The following PSD3 variants were observed in gnomAD, a reference collection of about 807,000 sequenced individuals.
PSD3 encodes pleckstrin and Sec7 domain containing 3.
Under a neutral mutation model 105.5 loss-of-function variants are expected in PSD3, and 49 were observed. The ratio of observed to expected loss-of-function variants is 0.46; its 90% confidence interval spans 0.37 to 0.59. The LOEUF (loss-of-function observed/expected upper bound fraction) is 0.59. PSD3 is among the 20% of genes least tolerant of loss of function. The pLI, the probability that PSD3 is intolerant of heterozygous loss-of-function variation, is 0.00. For synonymous variants in PSD3, 557 were observed against 457.8 expected (o/e 1.22, Z -2.77); for missense variants, 1,561 against 1,263.8 (o/e 1.24, Z -3.57).
chr8:18,649,185 C>A (rs907446921), intron 10 of PSD3, among the ~76,000 whole-genome samples: 1 of 152,200 alleles, frequency 6.6e-6, no homozygotes, highest in Non-Finnish European at 1.5e-5. Context: ...TTGCACCCTG[C>A]ACCTGGAAAA....
intron 2 of PSD3, among the ~76,000 whole-genome samples, chr8:18,911,632 C>T (rs115107949): frequency 7.9e-5 from 12 of 152,004 alleles, no homozygotes; most frequent in African/African-American, 2.9e-4. Context: ...GATGTAAGAG[C>T]GTTCACTTCT....
chr8:18,648,678 T>A (rs937908514), intron 10 of PSD3, among the ~76,000 whole-genome samples: 1 of 152,286 alleles, frequency 6.6e-6, no homozygotes, highest in East Asian at 1.9e-4. Context: ...ATGGGGAAAA[T>A]GCCTCAAAGG....
chr8:18,702,319 C>T (rs752759703), intron 9 of PSD3, among the ~76,000 whole-genome samples: 11 of 152,184 alleles, frequency 7.2e-5, no homozygotes, highest in Non-Finnish European at 1.6e-4. Flanking sequence ...TGTTTATGTA[C>T]ATAGGTAACC....
intron 2 of PSD3, among the ~76,000 whole-genome samples, chr8:18,916,553 G>C (rs1820621489): frequency 6.6e-6 from 1 of 151,858 alleles, no homozygotes. Context: ...GTAGCAAAGA[G>C]TACGATGGTG....
chr8:18,824,418 C>G (rs373789464), intron 4 of PSD3, among the ~76,000 whole-genome samples: 11 of 152,248 alleles, frequency 7.2e-5, no homozygotes, highest in African/African-American at 2.6e-4. Context: ...TAAATTATGT[C>G]ACCTTTCTCA....
chr8:18,834,059 C>G (rs917906906), intron 4 of PSD3, among the ~76,000 whole-genome samples: 3 of 150,656 alleles, frequency 2.0e-5, no homozygotes, highest in African/African-American at 7.3e-5. Flanking sequence ...AAGTGAATTA[C>G]AGTTAAATAA....
chr8:18,622,542 G>C (rs1806190423), intron 11 of PSD3, among the ~76,000 whole-genome samples: 1 of 151,992 alleles, frequency 6.6e-6, no homozygotes, highest in Non-Finnish European at 1.5e-5. Flanking sequence ...TAGTTTTATG[G>C]AGCATAACAT....
intron 8 of PSD3, among the ~76,000 whole-genome samples, chr8:18,783,610 T>A (rs1262364411): frequency 6.6e-6 from 1 of 152,104 alleles, no homozygotes. Flanking sequence ...ATACCATAAG[T>A]TTTTTATGTT....
chr8:18,949,548 A>G (rs1338794522), intron 1 of PSD3, among the ~76,000 whole-genome samples: 2 of 152,050 alleles, frequency 1.3e-5, no homozygotes, highest in African/African-American at 2.4e-5. Flanking sequence ...TTAAAGGTAA[A>G]TATCTCCAAG....
intron 2 of PSD3, among the ~76,000 whole-genome samples, chr8:18,909,801 T>C (rs375549648): frequency 6.6e-6 from 1 of 152,242 alleles, no homozygotes; most frequent in African/African-American, 2.4e-5. Flanking sequence ...GTTTTTAAAC[T>C]TCTTTAATTC....
chr8:18,967,354 C>T (rs1262286695), intron 1 of PSD3, among the ~76,000 whole-genome samples: 3 of 152,040 alleles, frequency 2.0e-5, no homozygotes, highest in African/African-American at 7.2e-5. Context: ...GGGGCTTCTC[C>T]ATGCTGGTCA....
intron 14 of PSD3, among the ~76,000 whole-genome samples, chr8:18,557,915 C>T (rs891527654): frequency 3.3e-5 from 5 of 152,068 alleles, no homozygotes; most frequent in African/African-American, 9.7e-5. Flanking sequence ...TAGCTATACT[C>T]GAAAATGGGG....
intron 2 of PSD3, among the ~76,000 whole-genome samples, chr8:18,906,230 G>A (rs1309591992): frequency 2.0e-5 from 3 of 152,102 alleles, no homozygotes; most frequent in Non-Finnish European, 4.4e-5. Context: ...AAATATCTGG[G>A]TGCTCCAGAT....
chr8:18,658,267 T>C (rs112165208), intron 9 of PSD3, among the ~76,000 whole-genome samples: 1,662 of 152,322 alleles, frequency 0.011, 32 homozygotes, highest in African/African-American at 0.037. Flanking sequence ...ATTATTTTTC[T>C]TAATAAAAGG....
chr8:18,931,483 C>A (rs1054912428), intron 2 of PSD3, among the ~76,000 whole-genome samples: 1 of 152,142 alleles, frequency 6.6e-6, no homozygotes, highest in Non-Finnish European at 1.5e-5. Flanking sequence ...TTAGACAATA[C>A]AAGTTAGAAT....
At chr8:18,552,689 T>C (rs1269933013) in intron 15 of PSD3, among the ~76,000 whole-genome samples, 1 of 152,216 alleles carries the variant, frequency 6.6e-6, no homozygotes, top group Non-Finnish European at 1.5e-5. Context: ...TATAAGGAAA[T>C]GTGGCTATTT....
chr8:18,950,474 G>T (rs1418555333), intron 1 of PSD3, among the ~76,000 whole-genome samples: 3 of 152,106 alleles, frequency 2.0e-5, no homozygotes, highest in East Asian at 3.9e-4. Context: ...CAAGCAAAAA[G>T]AAACAACGTA....
At chr8:18,861,547 A>G (rs1026707731) in intron 4 of PSD3, among the ~76,000 whole-genome samples, 11 of 152,016 alleles carry the variant, frequency 7.2e-5, no homozygotes, top group African/African-American at 2.4e-4. Context: ...GTGTCCTCCT[A>G]CCAACCTGCT....
At chr8:18,785,326 A>C (rs1160634196) in intron 8 of PSD3, among the ~76,000 whole-genome samples, 3 of 152,132 alleles carry the variant, frequency 2.0e-5, no homozygotes, top group Non-Finnish European at 2.9e-5. Flanking sequence ...CTACATTAGC[A>C]CTTGCTGCTC....
Sources: allele counts gnomAD v4.1 joint callset (sites outside exome capture counted in the v4.1 genomes callset), GRCh38; gene constraint gnomAD v4.1.1; transcripts MANE v1.5; gene names NCBI Gene and HGNC (gene_info 2026-07-23, HGNC 2026-07-21).